Variants in EPHA7 observed in about 807,000 individuals in gnomAD.
EPHA7 encodes the protein EPH receptor A7.
EPHA7 carries 25 observed loss-of-function variants against 112.6 expected under a neutral mutation model. The ratio of observed to expected loss-of-function variants is 0.22; its 90% CI spans 0.16 to 0.31. EPHA7 has a LOEUF of 0.31. EPHA7 is among the 10% of genes least tolerant of loss of function. The probability of loss-of-function intolerance (pLI) is 1.00; values close to 1 mark genes in which losing one functional copy is unlikely to be tolerated. For missense variants in EPHA7, 962 were observed against 1,212.6 expected, an observed-to-expected ratio of 0.79 and a Z score of 3.07; for synonymous variants, 437 against 406.5, an observed-to-expected ratio of 1.07 and a Z score of -0.90.
intron 5 of EPHA7, among the ~76,000 whole-genome samples, chr6:93,304,277 C>T (rs1773142434): frequency 6.6e-6 from 1 of 151,792 alleles, no homozygotes; most frequent in Admixed American, 6.6e-5. Flanking sequence ...TACAGATGAA[C>T]TTGATTATTT....
chr6:93,342,192 A>G (rs1055047248), intron 5 of EPHA7, among the ~76,000 whole-genome samples: 5 of 151,888 alleles, frequency 3.3e-5, no homozygotes, highest in African/African-American at 1.2e-4. Context: ...CATTTTTTAA[A>G]AAGCCTACAG....
At chr6:93,404,994 A>G (rs1022826747) in intron 3 of EPHA7, among the ~76,000 whole-genome samples, 3 of 151,848 alleles carry the variant, frequency 2.0e-5, no homozygotes, top group African/African-American at 7.2e-5. Flanking sequence ...TGGAGATACA[A>G]TTCAAGTTGT....
chr6:93,292,695 A>G (rs1772443109), intron 5 of EPHA7, among the ~76,000 whole-genome samples: 1 of 152,216 alleles, frequency 6.6e-6, no homozygotes, highest in African/African-American at 2.4e-5. Context: ...CACTAACAAT[A>G]ACCTACAGAG....
chr6:93,247,892 T>C (rs1187926763), intron 14 of EPHA7, among the ~76,000 whole-genome samples: 1 of 152,118 alleles, frequency 6.6e-6, no homozygotes, highest in African/African-American at 2.4e-5. Context: ...TCAGAAAAAT[T>C]ATCATTCAGA....
At position 93,410,257 on chromosome 6, in the gene EPHA7, T is replaced by C; in HGVS notation, c.832+244A>G. 2.2e-6 allele frequency: 1 copy of C among 447,310 alleles called. No individual in the cohort carries two copies. The highest frequency in any genetic ancestry group is 4.0e-6 in the Non-Finnish European group (1 of 250,512). 27.7% of individuals were successfully genotyped at this position (447,310 alleles called of 1,614,324 possible). A position where few individuals can be genotyped will look rare whatever the true frequency, so the allele number is the denominator to read the frequency against. ...AACGTGCAACTATTGACTTCCATGT[T>C]AAGCATAGGACACATTAAATTTTAG... On this transcript the variant is annotated intron_variant, in intron 3 of 16. Transcript: ENST00000369303. This position sits in a 1 kb window ranked among gnomAD's most constrained non-coding sequence, Gnocchi z 4.0.
At chr6:93,298,484 A>G (rs1464484946) in intron 5 of EPHA7, among the ~76,000 whole-genome samples, 2 of 152,094 alleles carry the variant, frequency 1.3e-5, no homozygotes, top group Non-Finnish European at 2.9e-5. Context: ...TCATGTTTAT[A>G]TTATATATAC....
At position 93,311,843 on chromosome 6, in the gene EPHA7, G is replaced by A. The variant is rs9363063; in HGVS notation, c.1325-39421C>T. Among the ~76,000 whole-genome samples, 16 of 152,208 alleles carry A rather than the reference G, an allele frequency of 1.1e-4. No homozygotes were observed. In the East Asian group the frequency reaches 1.7e-3, roughly 17 times the overall value. ...GGTGAAATTACTCTTTAATCTATGG[G>A]CTGCAGAATAAATATCATTTTAGCA... On this transcript the variant is annotated intron_variant, in intron 5 of 16. Coordinates refer to ENST00000369303, the MANE Select transcript of EPHA7 (RefSeq NM_004440.4).
At chr6:93,391,171 C>T (rs1311754148) in intron 3 of EPHA7, among the ~76,000 whole-genome samples, 1 of 151,898 alleles carries the variant, frequency 6.6e-6, no homozygotes, top group Non-Finnish European at 1.5e-5. Context: ...AAAGTACAAT[C>T]CCTTCAGAAT....
chr6:93,245,281 T>G lies in EPHA7; in HGVS notation c.2882+17A>C, dbSNP rs146422194. ...CCTAATAAATCCTTAAATACAATTT[T>G]AAGAGTTTAAGCTTACTCAATAGTC... is the stretch of plus-strand genomic sequence containing the variant. On this transcript the variant is annotated intron_variant, in intron 16 of 16. Transcript: ENST00000369303. The G allele has an allele frequency of 8.7e-4, 1,404 of 1,607,470 alleles. 5 individuals are homozygous for G. In the African/African-American group the frequency reaches 0.015, roughly 18 times the overall value.
chr6:93,387,958 GATA>G (rs1777706444), intron 3 of EPHA7, among the ~76,000 whole-genome samples: 2 of 151,822 alleles, frequency 1.3e-5, no homozygotes, highest in Admixed American at 6.6e-5. Flanking sequence ...TAGATAGATA[GATA>G]GATAGATAGA....
At position 93,391,496 on chromosome 6, in the gene EPHA7, T is replaced by C. The variant is rs114183605; in HGVS notation, c.832+19005A>G. Among the ~76,000 whole-genome samples, 733 of 151,938 alleles carry C rather than the reference T, an allele frequency of 4.8e-3. 4 individuals are homozygous for C. The highest frequency in any genetic ancestry group is 0.017 in the African/African-American group (691 of 41,478). On this transcript the variant is annotated intron_variant, in intron 3 of 16. Coordinates refer to ENST00000369303, the MANE Select transcript of EPHA7 (RefSeq NM_004440.4). Reference sequence around the variant, plus strand: ...TCTCATGTGGACGTTGATGCTTCCATAGAAAAGGACAGAGAAGGACCAAGG... The same window carrying C: ...TCTCATGTGGACGTTGATGCTTCCACAGAAAAGGACAGAGAAGGACCAAGG...
intron 3 of EPHA7, among the ~76,000 whole-genome samples, chr6:93,393,987 T>C (rs1778038053): frequency 7.4e-6 from 1 of 134,330 alleles, no homozygotes; most frequent in Non-Finnish European, 1.7e-5. Context: ...AGATCACTTA[T>C]ACAAATTATC....
intron 5 of EPHA7, among the ~76,000 whole-genome samples, chr6:93,341,077 A>T (rs1218207157): frequency 6.6e-6 from 1 of 151,928 alleles, no homozygotes; most frequent in African/African-American, 2.4e-5. Flanking sequence ...CTGGGTAAGC[A>T]TTATAACCTA....
At chr6:93,329,756 ACTTTAT>A (rs1214224348) in intron 5 of EPHA7, among the ~76,000 whole-genome samples, 25 of 151,264 alleles carry the variant, frequency 1.7e-4, no homozygotes, top group Admixed American at 3.3e-4. Flanking sequence ...CATATGTTCT[ACTTTAT>A]ACAAGGAGAC....
chr6:93,277,714 C>T (rs1243034543), intron 5 of EPHA7, among the ~76,000 whole-genome samples: 6 of 151,840 alleles, frequency 4.0e-5, no homozygotes, highest in Admixed American at 3.9e-4. Context: ...ATCTACTTAA[C>T]ATACCAATTA....
chr6:93,305,090 C>G (rs1422344228), intron 5 of EPHA7, among the ~76,000 whole-genome samples: 2 of 151,840 alleles, frequency 1.3e-5, no homozygotes, highest in African/African-American at 4.8e-5. Flanking sequence ...TTTATATTAG[C>G]AATTTTTATG....
chr6:93,241,775 T>C lies in EPHA7; in HGVS notation c.*1651A>G, dbSNP rs1380231646. 1 of 219,998 alleles carries C rather than the reference T, an allele frequency of 4.5e-6. No homozygotes were observed. The highest frequency in any genetic ancestry group is 9.1e-6 in the Non-Finnish European group (1 of 109,434). 13.6% of individuals were successfully genotyped at this position (219,998 alleles called of 1,614,324 possible). A position where few individuals can be genotyped will look rare whatever the true frequency, so the allele number is the denominator to read the frequency against. On this transcript the variant is annotated 3_prime_UTR_variant, in exon 17 of 17. Coordinates refer to ENST00000369303, the MANE Select transcript of EPHA7 (RefSeq NM_004440.4). ...CTGCAAGTAAAATAGAAAAATATAG[T>C]GCATTTTCAATGTATTCAGAGCCCA...
intron 5 of EPHA7, among the ~76,000 whole-genome samples, chr6:93,298,493 A>C (rs1280132399): frequency 2.0e-5 from 3 of 152,170 alleles, no homozygotes; most frequent in Non-Finnish European, 4.4e-5. Flanking sequence ...TATTATATAT[A>C]CATATATGAA....
At chr6:93,273,848 A>T (rs1042802128) in intron 5 of EPHA7, among the ~76,000 whole-genome samples, 6 of 151,954 alleles carry the variant, frequency 3.9e-5, no homozygotes, top group Admixed American at 6.6e-5. Flanking sequence ...GCTTAGCATA[A>T]CTCAGTAGAC....
Sources: allele counts gnomAD v4.1 joint callset (sites outside exome capture counted in the v4.1 genomes callset), GRCh38; gene constraint gnomAD v4.1.1; non-coding constraint Gnocchi (gnomAD v3.1); transcripts MANE v1.5; gene names NCBI Gene and HGNC (gene_info 2026-07-23, HGNC 2026-07-21).